Variants in PHLDB2 observed in about 807,000 individuals in gnomAD.
The protein encoded by PHLDB2 is pleckstrin homology like domain family B member 2, also known as pleckstrin homology-like domain family B member 2.
In PHLDB2, 71 loss-of-function variants were observed where a neutral mutation model predicts 123.6. The ratio of observed to expected loss-of-function variants is 0.57; its 90% CI spans 0.47 to 0.70. The LOEUF (loss-of-function observed/expected upper bound fraction) is 0.70. Ranked by LOEUF, PHLDB2 falls within the 30% of genes least tolerant of loss-of-function variation. The pLI, the probability that PHLDB2 is intolerant of heterozygous loss-of-function variation, is 0.00. For missense variants in PHLDB2, 1,446 were observed against 1,519.5 expected, an observed-to-expected ratio of 0.95 and a Z score of 0.80; for synonymous variants, 547 against 541.6, an observed-to-expected ratio of 1.01 and a Z score of -0.14.
intron 6 of PHLDB2, among the ~76,000 whole-genome samples, chr3:111,934,466 T>G (rs986824638): frequency 2.0e-5 from 3 of 152,190 alleles, no homozygotes; most frequent in African/African-American, 7.2e-5. Context: ...ATAGCTTCAT[T>G]AGGTGGTAAG....
intron 1 of PHLDB2, among the ~76,000 whole-genome samples, chr3:111,781,406 C>T (rs2060471308): frequency 6.6e-6 from 1 of 152,052 alleles, no homozygotes; most frequent in Admixed American, 6.6e-5. Context: ...TCCTGTATTA[C>T]ATTCTGTATC....
chr3:111,815,949 A>G (rs939680703), intron 1 of PHLDB2, among the ~76,000 whole-genome samples: 3 of 152,180 alleles, frequency 2.0e-5, no homozygotes, highest in Admixed American at 1.3e-4. Flanking sequence ...CAGCTGCTCC[A>G]TATGTGCCTG....
chr3:111,756,549 C>G (rs576994653), intron 1 of PHLDB2, among the ~76,000 whole-genome samples: 2 of 152,094 alleles, frequency 1.3e-5, no homozygotes, highest in Non-Finnish European at 2.9e-5. Flanking sequence ...TGTCTCTGCA[C>G]GTGAGATGGA....
intron 6 of PHLDB2, among the ~76,000 whole-genome samples, chr3:111,934,917 A>G (rs1172442370): frequency 1.3e-5 from 2 of 152,160 alleles, no homozygotes; most frequent in African/African-American, 4.8e-5. Context: ...AGAGCCAGTG[A>G]TAGAAAAAAG....
chr3:111,858,444 C>T (rs1410266106), upstream of PHLDB2, among the ~76,000 whole-genome samples: 1 of 152,146 alleles, frequency 6.6e-6, no homozygotes, highest in Non-Finnish European at 1.5e-5. Context: ...ACGTTCTGCA[C>T]ATGTATCCCA....
At chr3:111,974,293 T>C in intron 17 of PHLDB2, 130 bp from the exon 18 acceptor site, 3 of 865,316 alleles carry the variant, frequency 3.5e-6, no homozygotes, top group South Asian at 4.4e-5. Context: ...TGAGTTATAG[T>C]AGAGCAAAAG....
At chr3:111,969,566 C>A in intron 15 of PHLDB2, 124 bp from the exon 16 acceptor site, 1 of 708,842 alleles carries the variant, frequency 1.4e-6, no homozygotes, top group Non-Finnish European at 2.3e-6. Context: ...TTATCTTAAG[C>A]TCTTTTAATC....
chr3:111,891,225 C>T (rs1430553986), intron 2 of PHLDB2, among the ~76,000 whole-genome samples: 1 of 152,142 alleles, frequency 6.6e-6, no homozygotes, highest in African/African-American at 2.4e-5. Context: ...GGCCACAGAC[C>T]AGTAGCGTTT....
intron 16 of PHLDB2, among the ~76,000 whole-genome samples, chr3:111,972,369 A>G (rs1411870868): frequency 3.3e-5 from 5 of 152,174 alleles, no homozygotes; most frequent in African/African-American, 1.2e-4. Context: ...ATTAAATGCA[A>G]TTAAATAGTT....
At chr3:111,971,099 C>CGA (rs1228335015) in intron 16 of PHLDB2, among the ~76,000 whole-genome samples, 2 of 152,176 alleles carry the variant, frequency 1.3e-5, no homozygotes, top group Non-Finnish European at 2.9e-5. Context: ...CTTTGCCTCT[C>CGA]TAAGGCTTTT....
intron 1 of PHLDB2, among the ~76,000 whole-genome samples, chr3:111,826,876 G>T (rs555322526): frequency 1.3e-3 from 196 of 152,234 alleles, no homozygotes; most frequent in African/African-American, 4.0e-3. Context: ...TATTTAGGAT[G>T]AGTAGTAAGG....
intron 10 of PHLDB2, among the ~76,000 whole-genome samples, chr3:111,952,071 C>G (rs1199348064): frequency 6.6e-6 from 1 of 152,150 alleles, no homozygotes; most frequent in Admixed American, 6.5e-5. Context: ...TTTAGGGAAA[C>G]TTTATGTGGA....
At chr3:111,769,572 A>G (rs1489257231) in intron 1 of PHLDB2, among the ~76,000 whole-genome samples, 1 of 152,232 alleles carries the variant, frequency 6.6e-6, no homozygotes, top group South Asian at 2.1e-4. Context: ...ATACGACTAC[A>G]GTGCTGATAG....
At chr3:111,806,469 T>G (rs1470409583) in intron 1 of PHLDB2, among the ~76,000 whole-genome samples, 1 of 152,030 alleles carries the variant, frequency 6.6e-6, no homozygotes, top group Non-Finnish European at 1.5e-5. Flanking sequence ...TTGAATCTTT[T>G]CTTTTTTTTT....
At chr3:111,909,844 G>A (rs569768920) in intron 2 of PHLDB2, among the ~76,000 whole-genome samples, 45 of 152,032 alleles carry the variant, frequency 3.0e-4, no homozygotes, top group Middle Eastern at 3.4e-3. Context: ...TTTGTTTTAA[G>A]TAATACATGA....
In PHLDB2 at chr3:111,939,642, A is replaced by G. The variant is rs1185582265; in HGVS notation, c.2286+12A>G. 3 of 1,603,954 alleles carry G rather than the reference A, an allele frequency of 1.9e-6. No individual in the cohort carries two copies. Among genetic ancestry groups the G allele is most frequent in the Admixed American group, 1.7e-5 (1 of 57,386 alleles). On this transcript the variant is annotated intron_variant, in intron 7 of 17. Transcript: ENST00000431670. ...TCGTTTCTAGAAAGGTACTTTTTCC[A>G]GGTGTCATTCAATGTGAAAAATCAA...
intron 1 of PHLDB2, among the ~76,000 whole-genome samples, chr3:111,824,736 C>T (rs550244471): frequency 6.6e-6 from 1 of 152,282 alleles, no homozygotes; most frequent in African/African-American, 2.4e-5. Flanking sequence ...TATAGTTACA[C>T]GAGTCGATGG....
rs775616090 is a variant in PHLDB2, at chr3:111,969,694, G to C, written c.3320G>C (p.Arg1107Pro). 4.3e-6 allele frequency: 7 copies of C among 1,613,664 alleles called. No homozygotes were observed. The highest frequency in any genetic ancestry group is 5.9e-6 in the Non-Finnish European group (7 of 1,179,736). Residue 1107 changes from arginine to proline, a missense_variant, in exon 16 of 18, where the codon CGT becomes CCT. Physicochemically the swap from Arg to Pro is moderately radical, Grantham distance 103. Transcript: ENST00000431670. ...KIRERQRAQA[R>P]PLTRYLPVRK... is the part of the protein sequence containing the mutation. ...ATGGGTTTTGCACTTTTCCAGGCTC[G>C]TCCTTTGACACGCTACCTGCCTGTC...
chr3:111,785,393 G>A (rs986544754), intron 1 of PHLDB2, among the ~76,000 whole-genome samples: 1 of 151,808 alleles, frequency 6.6e-6, no homozygotes, highest in Non-Finnish European at 1.5e-5. Context: ...CTTCCACTTT[G>A]GAGCTTTAAA....
Sources: allele counts gnomAD v4.1 joint callset (sites outside exome capture counted in the v4.1 genomes callset), GRCh38; gene constraint gnomAD v4.1.1; transcripts MANE v1.5; gene names NCBI Gene and HGNC (gene_info 2026-07-23, HGNC 2026-07-21).